The following AADACL2 variants were observed in gnomAD, a reference collection of about 807,000 sequenced individuals.
AADACL2 encodes arylacetamide deacetylase-like 2.
In AADACL2, 23 loss-of-function variants were observed where a neutral mutation model predicts 22.3. That is an observed-to-expected ratio of 1.03 (90% CI 0.74 to 1.46). AADACL2 has a LOEUF of 1.46. Ranked by LOEUF, AADACL2 falls within the 40% of genes most tolerant of loss-of-function variation. The probability of loss-of-function intolerance (pLI) is 0.00; values close to 1 mark genes in which losing one functional copy is unlikely to be tolerated. For missense variants in AADACL2, 472 were observed against 482.9 expected, an observed-to-expected ratio of 0.98 and a Z score of 0.21; for synonymous variants, 177 against 166.2, an observed-to-expected ratio of 1.07 and a Z score of -0.50.
At chr3:151,750,515 T>C (rs946543419) in intron 4 of AADACL2, among the ~76,000 whole-genome samples, 7 of 152,116 alleles carry the variant, frequency 4.6e-5, no homozygotes, top group African/African-American at 1.7e-4. Flanking sequence ...GGTTTTTTCC[T>C]GATGTCTACT....
In AADACL2 at chr3:151,733,932, A is replaced by T; in HGVS notation, c.-104A>T. On this transcript the variant is annotated 5_prime_UTR_variant, in exon 1 of 5. Coordinates refer to ENST00000356517, the MANE Select transcript of AADACL2 (RefSeq NM_207365.4). ...TTCATGTTGTTAAGATGATCATATCACCTGAGAGAGTTCCCAAGTCTACAA... is the reference window on the plus strand; with the variant it reads ...TTCATGTTGTTAAGATGATCATATCTCCTGAGAGAGTTCCCAAGTCTACAA... The T allele has an allele frequency of 8.2e-7, 1 of 1,213,388 alleles. No homozygotes were observed. The highest frequency in any genetic ancestry group is 1.1e-6 in the Non-Finnish European group (1 of 885,554). The allele number at this position is 1,213,388 out of a possible 1,614,324, so 75.2% of individuals were successfully genotyped here. A position where few individuals can be genotyped will look rare whatever the true frequency, so the allele number is the denominator to read the frequency against.
At chr3:151,751,395 G>C (rs1159150691) in intron 4 of AADACL2, 1 of 152,142 alleles carries the variant, frequency 6.6e-6, no homozygotes, top group Non-Finnish European at 1.5e-5. Flanking sequence ...CTTTGCAAGT[G>C]TAGCAAGCAT....
chr3:151,753,878 G>A (rs115818072), intron 4 of AADACL2, among the ~76,000 whole-genome samples: 6,248 of 152,080 alleles, frequency 0.041, 425 homozygotes, highest in African/African-American at 0.14. Context: ...GATGATGGGG[G>A]GCAAAGTGCA....
chr3:151,734,394 G>A (rs572464623), intron 1 of AADACL2, among the ~76,000 whole-genome samples: 6 of 152,152 alleles, frequency 3.9e-5, no homozygotes, highest in South Asian at 2.1e-4. Flanking sequence ...ATGTCTAAAC[G>A]TGACATGTAT....
In AADACL2 at chr3:151,744,174, T is replaced by G; in HGVS notation, c.431+12T>G. On this transcript the variant is annotated intron_variant, in intron 3 of 4. Transcript: ENST00000356517. ...GTTGTAGGCGTGGAGTAAGAATGAT[T>G]TTTTTCTGGCTACTATGATTTTTGC... 6.2e-7 allele frequency: 1 copy of G among 1,613,200 alleles called. No homozygotes were observed. Among genetic ancestry groups the G allele is most frequent in the Non-Finnish European group, 8.5e-7 (1 of 1,179,454 alleles).
intron 4 of AADACL2, among the ~76,000 whole-genome samples, chr3:151,751,698 AAAAG>A (rs1332717267): frequency 6.6e-6 from 1 of 152,102 alleles, no homozygotes; most frequent in East Asian, 1.9e-4. Flanking sequence ...AACAAAAAAG[AAAAG>A]AAAGAAAGAA....
intron 3 of AADACL2, 108 bp from the exon 4 acceptor site, chr3:151,745,401 T>C: frequency 8.5e-7 from 1 of 1,180,556 alleles, no homozygotes; most frequent in Non-Finnish European, 1.2e-6. Context: ...TAGGCTTGAT[T>C]TTTAGAAGAC....
chr3:151,744,708 C>T (rs1394484119), intron 3 of AADACL2, among the ~76,000 whole-genome samples: 3 of 152,036 alleles, frequency 2.0e-5, no homozygotes, highest in African/African-American at 7.2e-5. Context: ...ACATCTATGT[C>T]TAAGCTACAA....
chr3:151,736,302 C>CTTTTTTTTTTT (rs10575713), intron 1 of AADACL2, among the ~76,000 whole-genome samples: 4 of 138,392 alleles, frequency 2.9e-5, no homozygotes, highest in Non-Finnish European at 3.1e-5. Context: ...AAGGATTTAT[C>CTTTTTTTTTTT]TTTTTTTTTT....
chr3:151,747,640 A>G (rs1437702229), intron 4 of AADACL2, among the ~76,000 whole-genome samples: 1 of 144,586 alleles, frequency 6.9e-6, no homozygotes, highest in African/African-American at 2.6e-5. Flanking sequence ...GTGTGTGTGT[A>G]GATACACACA....
chr3:151,752,261 A>G (rs935453521), intron 4 of AADACL2, among the ~76,000 whole-genome samples: 1 of 152,198 alleles, frequency 6.6e-6, no homozygotes, highest in Non-Finnish European at 1.5e-5. Context: ...AAAATTCGGT[A>G]TCAATAATCA....
chr3:151,735,113 C>T (rs1576609382), intron 1 of AADACL2, among the ~76,000 whole-genome samples: 4 of 152,198 alleles, frequency 2.6e-5, no homozygotes, highest in South Asian at 2.1e-4. Context: ...TAATAGTTTC[C>T]CCTGTAATCA....
chr3:151,757,487 G>A lies in AADACL2; in HGVS notation c.1099G>A (p.Glu367Lys), dbSNP rs764564206. ...AGTCCAAGTTGTTCATGAACATATTGAGGATGGAATTCATGGAGCTTTATC... is the reference window on the plus strand; with the variant it reads ...AGTCCAAGTTGTTCATGAACATATTAAGGATGGAATTCATGGAGCTTTATC... Reference protein sequence around the residue: ...VGVQVVHEHIEDGIHGALSFM... With the variant: ...VGVQVVHEHIKDGIHGALSFM... Residue 367 changes from glutamate (E) to lysine (K), a missense_variant, in exon 5 of 5, where the codon GAG becomes AAG. Physicochemically the swap from Glu to Lys is moderately conservative, Grantham distance 56. Around this residue, in one of 3 missense-constraint regions of AADACL2, gnomAD observed 113 missense variants for 100.9 expected, o/e 1.12. Transcript: ENST00000356517. 5.0e-6 allele frequency: 8 copies of A among 1,613,598 alleles called. No individual in the cohort carries two copies. The South Asian group carries it at 7.7e-5, about 16-fold the overall frequency.
At chr3:151,750,794 T>C (rs974536026) in intron 4 of AADACL2, among the ~76,000 whole-genome samples, 1 of 152,198 alleles carries the variant, frequency 6.6e-6, no homozygotes, top group Non-Finnish European at 1.5e-5. Flanking sequence ...ATACACGTTA[T>C]ACATACATAA....
intron 1 of AADACL2, among the ~76,000 whole-genome samples, chr3:151,735,407 A>G (rs1044778294): frequency 7.9e-5 from 12 of 152,142 alleles, no homozygotes; most frequent in African/African-American, 2.9e-4. Context: ...AAATGGATGC[A>G]GACTTGGCTT....
At chr3:151,750,826 T>C (rs1713639866) in intron 4 of AADACL2, among the ~76,000 whole-genome samples, 1 of 152,198 alleles carries the variant, frequency 6.6e-6, no homozygotes, top group Admixed American at 6.5e-5. Context: ...CATACATACA[T>C]ATACATGTAC....
At chr3:151,745,134 C>G (rs527595624) in intron 3 of AADACL2, among the ~76,000 whole-genome samples, 1 of 152,146 alleles carries the variant, frequency 6.6e-6, no homozygotes, top group East Asian at 1.9e-4. Context: ...AGATCTGCAG[C>G]CTATTGTGCT....
At chr3:151,737,891 G>A (rs1713147975) in intron 1 of AADACL2, among the ~76,000 whole-genome samples, 1 of 152,042 alleles carries the variant, frequency 6.6e-6, no homozygotes, top group East Asian at 1.9e-4. Context: ...ACACTGATGA[G>A]TCTTGACTTC....
At chr3:151,741,989 T>C (rs1031233696) in intron 2 of AADACL2, among the ~76,000 whole-genome samples, 3 of 152,192 alleles carry the variant, frequency 2.0e-5, no homozygotes, top group African/African-American at 7.2e-5. Context: ...TTTGGTTTTA[T>C]ATTTACACAT....
Sources: allele counts gnomAD v4.1 joint callset (sites outside exome capture counted in the v4.1 genomes callset), GRCh38; gene constraint gnomAD v4.1.1; regional missense constraint gnomAD v4.1.1; transcripts MANE v1.5; gene names NCBI Gene and HGNC (gene_info 2026-07-23, HGNC 2026-07-21).